SLC38A8: variants seen among roughly 807,000 people sequenced by gnomAD.
The protein encoded by SLC38A8 is amino acid transporter SLC38A8.
Under a neutral mutation model 46.0 loss-of-function variants are expected in SLC38A8, and 65 were observed. The observed-to-expected ratio is 1.41, with a 90% CI of 1.16 to 1.74. The LOEUF is 1.74. SLC38A8 is among the 40% of genes most tolerant of loss of function. The pLI is 0.00. For missense variants in SLC38A8, 998 were observed against 567.9 expected (o/e 1.76, Z -7.70); for synonymous variants, 447 against 243.7 (o/e 1.83, Z -7.77).
At chr16:84,033,058 G>T (rs1243252703) in intron 4 of SLC38A8, among the ~76,000 whole-genome samples, 1 of 151,906 alleles carries the variant, frequency 6.6e-6, no homozygotes, top group African/African-American at 2.4e-5. Flanking sequence ...GTTGTGGGGA[G>T]GCGTCTCTCT....
chr16:84,022,702 G>C (rs1196615708), intron 7 of SLC38A8, 73 bp downstream of exon 7: 3 of 1,163,808 alleles, frequency 2.6e-6, no homozygotes, highest in African/African-American at 1.5e-5. Flanking sequence ...ACTCTCTAGA[G>C]AGATACTCGC....
intron 5 of SLC38A8, 33 bp from the exon 6 acceptor site, chr16:84,029,584 G>A (rs2085213717): frequency 6.2e-7 from 1 of 1,610,564 alleles, no homozygotes; most frequent in East Asian, 2.2e-5. Context: ...GTTTATTAAA[G>A]AAGGGTCACA....
At chr16:84,035,520 C>A (rs987601845) in intron 3 of SLC38A8, among the ~76,000 whole-genome samples, 2 of 152,122 alleles carry the variant, frequency 1.3e-5, no homozygotes, top group Non-Finnish European at 2.9e-5. Context: ...AAGCAAGACC[C>A]GACCATATGC....
chr16:84,017,786 G>A (rs143124551), intron 7 of SLC38A8, among the ~76,000 whole-genome samples: 18 of 152,272 alleles, frequency 1.2e-4, no homozygotes, highest in African/African-American at 4.3e-4. Context: ...CACTGCTTCT[G>A]TCACCCCGGG....
At position 84,029,512 on chromosome 16, in the gene SLC38A8, G is replaced by A. The variant is rs2085212408; in HGVS notation, c.672C>T (p.Thr224=). 1 of 1,614,126 alleles carries A rather than the reference G, an allele frequency of 6.2e-7. No homozygotes were observed. Among genetic ancestry groups the A allele is most frequent in the African/African-American group, 1.3e-5 (1 of 75,034 alleles). Residue 224 remains threonine, a synonymous_variant, in exon 6 of 11, where the codon ACC becomes ACT. Transcript: ENST00000299709. Reference sequence around the variant, plus strand: ...AAATTACCTGAAACCCGAAGCAGATGGTGGGGAAGACACTGAACACAGAGG... The same window carrying A: ...AAATTACCTGAAACCCGAAGCAGATAGTGGGGAAGACACTGAACACAGAGG... ...SWTSVFSVFP[T]ICFGFQCHEA...
chr16:84,012,189 G>C (rs1006459692), intron 10 of SLC38A8, among the ~76,000 whole-genome samples: 1 of 152,136 alleles, frequency 6.6e-6, no homozygotes, highest in Non-Finnish European at 1.5e-5. Flanking sequence ...ACCTGCCTCA[G>C]CCTCAGTTTC....
At position 84,036,877 on chromosome 16, in the gene SLC38A8, G is replaced by T; in HGVS notation, c.213C>A (p.Ser71Arg). ...VELVSLVFLI[S>R]GLVILGYAAA... ...CAGCATAGCCCAGGATGACCAGCCC[G>T]CTGATCAGGAAGACCAACGAGACCT... Residue 71 changes from serine to arginine, a missense_variant, in exon 3 of 11, where the codon AGC (serine) becomes AGA (arginine). Ser to Arg is a moderately radical substitution (Grantham distance 110). Coordinates refer to ENST00000299709, the MANE Select transcript of SLC38A8 (RefSeq NM_001080442.3). 6.2e-7 allele frequency: 1 copy of T among 1,612,772 alleles called. No individual in the cohort carries two copies. Among genetic ancestry groups the T allele is most frequent in the East Asian group, 2.2e-5 (1 of 44,860 alleles).
At chr16:84,039,699 G>C (rs981426010) in intron 2 of SLC38A8, among the ~76,000 whole-genome samples, 11 of 139,758 alleles carry the variant, frequency 7.9e-5, no homozygotes, top group African/African-American at 2.7e-5. Context: ...AGTGAGCTGA[G>C]ATCACGCCAT....
rs540944413 is a variant in SLC38A8 at position 84,029,247 on chromosome 16, G to A, written c.690+247C>T. Among the ~76,000 whole-genome samples, 5 of 152,270 alleles carry A rather than the reference G, an allele frequency of 3.3e-5. No homozygotes were observed. In the East Asian group the frequency reaches 9.7e-4, roughly 29 times the overall value. ...CCTAAAAAACATGGTGCTGCTTTTG[G>A]CCATCAGTGGGGGCTGGATTCCCAA... On this transcript the variant is annotated intron_variant, in intron 6 of 10. Coordinates refer to ENST00000299709, the MANE Select transcript of SLC38A8 (RefSeq NM_001080442.3).
intron 2 of SLC38A8, among the ~76,000 whole-genome samples, chr16:84,038,200 A>C (rs2085323534): frequency 6.6e-6 from 1 of 151,932 alleles, no homozygotes; most frequent in South Asian, 2.1e-4. Flanking sequence ...AATTCCAGCT[A>C]CTTGGGAGGC....
At chr16:84,030,308 G>A (rs189997585) in intron 5 of SLC38A8, among the ~76,000 whole-genome samples, 75 of 152,154 alleles carry the variant, frequency 4.9e-4, no homozygotes, top group Admixed American at 4.6e-3. Flanking sequence ...AACAGCCCTC[G>A]GACACTCACA....
intron 7 of SLC38A8, among the ~76,000 whole-genome samples, chr16:84,019,933 C>A (rs559979862): frequency 6.6e-6 from 1 of 152,410 alleles, no homozygotes; most frequent in South Asian, 2.1e-4. Flanking sequence ...GGCAACCCCA[C>A]TCCTACGGCT....
chr16:84,022,417 AC>A (rs2085105708), intron 7 of SLC38A8, among the ~76,000 whole-genome samples: 1 of 152,096 alleles, frequency 6.6e-6, no homozygotes, highest in African/African-American at 2.4e-5. Context: ...TGTAAACCCT[AC>A]CCAGATGTTA....
intron 6 of SLC38A8, among the ~76,000 whole-genome samples, chr16:84,025,032 G>T (rs1020909153): frequency 6.6e-6 from 1 of 152,132 alleles, no homozygotes; most frequent in African/African-American, 2.4e-5. Context: ...GAGCCCATGA[G>T]TCATGTGAAT....
intron 7 of SLC38A8, among the ~76,000 whole-genome samples, chr16:84,019,928 C>T (rs1213546616): frequency 1.3e-5 from 2 of 152,266 alleles, no homozygotes; most frequent in South Asian, 2.1e-4. Context: ...ACTGAGGCAA[C>T]CCCACTCCTA....
At chr16:84,014,354 C>T (rs563742789) in intron 9 of SLC38A8, among the ~76,000 whole-genome samples, 14 of 150,904 alleles carry the variant, frequency 9.3e-5, no homozygotes, top group Non-Finnish European at 1.9e-4. Flanking sequence ...CGGCCCAGAA[C>T]TGAGGGAGGA....
chr16:84,042,065 G>T lies in SLC38A8; in HGVS notation c.93C>A (p.Phe31Leu), dbSNP rs1233941493. Residue 31 changes from phenylalanine to leucine, a missense_variant, in exon 2 of 11, where the codon TTC (phenylalanine) becomes TTA (leucine). Coordinates refer to ENST00000299709, the MANE Select transcript of SLC38A8 (RefSeq NM_001080442.3). Reference sequence around the variant, plus strand: ...CTCCCAGCGCGGACTTCATGAGGATGAAGACAGCGCCCATCGAGGACAGAG... The same window carrying T: ...CTCCCAGCGCGGACTTCATGAGGATTAAGACAGCGCCCATCGAGGACAGAG... The part of the protein sequence containing the change: ...AATLSSMGAV[F>L]ILMKSALGAG... 1 of 1,614,072 alleles carries T rather than the reference G, an allele frequency of 6.2e-7. No individual in the cohort carries two copies. Among genetic ancestry groups the T allele is most frequent in the East Asian group, 2.2e-5 (1 of 44,872 alleles).
intron 9 of SLC38A8, among the ~76,000 whole-genome samples, chr16:84,014,830 C>A (rs564430112): frequency 2.6e-5 from 4 of 152,202 alleles, no homozygotes; most frequent in African/African-American, 9.6e-5. Flanking sequence ...CAGTTGGCCT[C>A]TTTGATAACC....
rs1230134803 is a variant in SLC38A8 at position 84,022,757 on chromosome 16, G to A, written c.805+18C>T. 1.9e-6 allele frequency: 3 copies of A among 1,603,088 alleles called. No homozygotes were observed. The highest frequency in any genetic ancestry group is 1.7e-4 in the Middle Eastern group (1 of 6,042). On this transcript the variant is annotated intron_variant, in intron 7 of 10. Transcript: ENST00000299709. ...GTCACTCCCCACCCTCTGCAGGGGT[G>A]CCTGGGAAGGGCCTTACCCGTCAGT... is the stretch of plus-strand genomic sequence containing the variant.
Sources: gnomAD v4.1 joint callset for allele counts (sites outside exome capture counted in the v4.1 genomes callset) on GRCh38, gnomAD v4.1.1 for gene constraint, MANE v1.5 for transcripts, NCBI Gene and HGNC (gene_info 2026-07-23, HGNC 2026-07-21) for gene names.